The following ANKRD6 variants were observed in gnomAD, a reference collection of about 807,000 sequenced individuals.
The protein encoded by ANKRD6 is ankyrin repeat domain-containing protein 6.
In ANKRD6, 56 loss-of-function variants were observed where a neutral mutation model predicts 82.3. The ratio of observed to expected loss-of-function variants is 0.68; its 90% CI spans 0.55 to 0.85. The LOEUF (loss-of-function observed/expected upper bound fraction) is 0.85. Ranked by LOEUF, ANKRD6 falls within the 40% of genes least tolerant of loss-of-function variation. ANKRD6 has a pLI of 0.00. For synonymous variants in ANKRD6, 347 were observed against 352.1 expected, an observed-to-expected ratio of 0.99 and a Z score of 0.16; for missense variants, 852 against 907.6, an observed-to-expected ratio of 0.94 and a Z score of 0.79.
chr6:89,624,092 A>T, intron 12 of ANKRD6, 35 bp downstream of exon 12: 1 of 1,569,668 alleles, frequency 6.4e-7, no homozygotes, highest in Non-Finnish European at 8.6e-7. Context: ...AAGGGAACAT[A>T]GGCCTTCAGC....
intron 1 of ANKRD6, among the ~76,000 whole-genome samples, chr6:89,537,143 G>A (rs1156442464): frequency 6.6e-6 from 1 of 152,090 alleles, no homozygotes; most frequent in African/African-American, 2.4e-5. Context: ...TATAAGGAGA[G>A]AATCAAGATA....
At chr6:89,572,238 A>T (rs1225406083) in intron 2 of ANKRD6, among the ~76,000 whole-genome samples, 1 of 152,286 alleles carries the variant, frequency 6.6e-6, no homozygotes, top group African/African-American at 2.4e-5. Flanking sequence ...ATAAACATTT[A>T]TGTGCAGTTT....
rs191330874 is a variant in ANKRD6, at chr6:89,631,476, C to T, written c.*472C>T. The T allele has an allele frequency of 6.6e-6, 1 of 152,550 alleles. No individual in the cohort carries two copies. Among genetic ancestry groups the T allele is most frequent in the Non-Finnish European group, 1.5e-5 (1 of 68,288 alleles). 9.4% of individuals were successfully genotyped at this position (152,550 alleles called of 1,614,324 possible). A position where few individuals can be genotyped will look rare whatever the true frequency, so the allele number is the denominator to read the frequency against. On this transcript the variant is annotated 3_prime_UTR_variant, in exon 16 of 16. Coordinates refer to ENST00000339746, the MANE Select transcript of ANKRD6 (RefSeq NM_001242809.2). ...GTAAGAGCTGTAACTCTGAGATGTG[C>T]TAAATAAACCCTCTTTCTCAAATTC...
chr6:89,494,456 A>T (rs1778370885), intron 1 of ANKRD6, among the ~76,000 whole-genome samples: 1 of 152,186 alleles, frequency 6.6e-6, no homozygotes. Context: ...CCAAGTCAAG[A>T]AGAGGGCCCA....
At chr6:89,589,091 T>G (rs1396733421) in intron 2 of ANKRD6, among the ~76,000 whole-genome samples, 2 of 152,080 alleles carry the variant, frequency 1.3e-5, no homozygotes, top group African/African-American at 4.8e-5. Flanking sequence ...GGACGGGTCT[T>G]GTCCAGGTCT....
chr6:89,581,868 G>A (rs1448861240), intron 2 of ANKRD6, among the ~76,000 whole-genome samples: 3 of 152,104 alleles, frequency 2.0e-5, no homozygotes, highest in Admixed American at 6.6e-5. Flanking sequence ...GTTCTGCTCC[G>A]GGTTAGCACA....
intron 1 of ANKRD6, among the ~76,000 whole-genome samples, chr6:89,480,959 A>AAAAAT (rs1216085201): frequency 8.5e-4 from 126 of 148,912 alleles, no homozygotes; most frequent in South Asian, 3.0e-3. Flanking sequence ...AAAAAAATAG[A>AAAAAT]AGAAGAAGAA....
At chr6:89,493,816 G>T (rs116979022) in intron 1 of ANKRD6, among the ~76,000 whole-genome samples, 1,861 of 152,152 alleles carry the variant, frequency 0.012, 16 homozygotes, top group South Asian at 0.039. Context: ...ACCACATTTC[G>T]GGGGGTTATA....
chr6:89,589,762 TCAGTGCCCCAGTGGTGTGGA>T, intron 2 of ANKRD6, among the ~76,000 whole-genome samples: 1 of 152,334 alleles, frequency 6.6e-6, no homozygotes, highest in East Asian at 1.9e-4. Context: ...ATCATCCCAG[TCAGTGCCCCAGTGGTGTGGA>T]CAGTGGGGAC....
In ANKRD6 at chr6:89,598,195, T is replaced by C. The variant is rs1031411517; in HGVS notation, c.219+2181T>C. 11 of 985,306 alleles carry C rather than the reference T, an allele frequency of 1.1e-5. No homozygotes were observed. The African/African-American group carries it at 1.9e-4, about 17-fold the overall frequency. The allele number at this position is 985,306 out of a possible 1,614,324, so 61.0% of individuals were successfully genotyped here. On this transcript the variant is annotated intron_variant, in intron 3 of 15. Transcript: ENST00000339746. ...TGAATTTCAACCTGTGGAAACCAGT[T>C]CTTTAGATTATGCAACTCCAGGAGC...
intron 9 of ANKRD6, among the ~76,000 whole-genome samples, chr6:89,618,563 G>T (rs552059018): frequency 6.6e-6 from 1 of 152,246 alleles, no homozygotes; most frequent in Admixed American, 6.5e-5. Context: ...TAAAATGGTG[G>T]CTGATACTTT....
chr6:89,458,650 G>A (rs182051295), intron 1 of ANKRD6, among the ~76,000 whole-genome samples: 4 of 152,316 alleles, frequency 2.6e-5, no homozygotes, highest in Admixed American at 2.6e-4. Context: ...ATCTTCTCCT[G>A]CCAGCTTTAT....
At chr6:89,559,788 A>G (rs764129773) in intron 1 of ANKRD6, among the ~76,000 whole-genome samples, 1 of 152,010 alleles carries the variant, frequency 6.6e-6, no homozygotes, top group African/African-American at 2.4e-5. Flanking sequence ...GTAGTCCTCT[A>G]TTTTGAGGGG....
chr6:89,523,719 C>A (rs1373474470), intron 1 of ANKRD6, among the ~76,000 whole-genome samples: 1 of 152,190 alleles, frequency 6.6e-6, no homozygotes, highest in Non-Finnish European at 1.5e-5. Flanking sequence ...TCTCTGTGCT[C>A]ATTTCTTTAG....
chr6:89,470,225 A>G (rs760907961), intron 1 of ANKRD6, among the ~76,000 whole-genome samples: 30 of 152,228 alleles, frequency 2.0e-4, no homozygotes, highest in Non-Finnish European at 3.1e-4. Context: ...AAAAATTTCA[A>G]CATTATACTG....
chr6:89,527,620 A>AAAAAAAG (rs1562725502), intron 1 of ANKRD6, among the ~76,000 whole-genome samples: 1 of 151,204 alleles, frequency 6.6e-6, no homozygotes, highest in Non-Finnish European at 1.5e-5. Context: ...AAAAAAAAAA[A>AAAAAAAG]AAAAAAGAAA....
At chr6:89,559,101 C>T (rs974372975) in intron 1 of ANKRD6, among the ~76,000 whole-genome samples, 16 of 152,178 alleles carry the variant, frequency 1.1e-4, no homozygotes, top group Admixed American at 5.2e-4. Flanking sequence ...CTAGGGCTCT[C>T]CATCACAAGT....
intron 1 of ANKRD6, among the ~76,000 whole-genome samples, chr6:89,471,553 A>G (rs183438464): frequency 5.3e-5 from 8 of 151,936 alleles, no homozygotes; most frequent in Non-Finnish European, 1.2e-4. Context: ...AAAGCCAGCA[A>G]AAGAATGTGG....
chr6:89,450,487 C>G (rs1204193135), intron 1 of ANKRD6, among the ~76,000 whole-genome samples: 1 of 152,140 alleles, frequency 6.6e-6, no homozygotes, highest in Non-Finnish European at 1.5e-5. Context: ...TTCAGATGAT[C>G]ATCAGCATTT....
Sources: gnomAD v4.1 joint callset for allele counts (sites outside exome capture counted in the v4.1 genomes callset) on GRCh38, gnomAD v4.1.1 for gene constraint, MANE v1.5 for transcripts, NCBI Gene and HGNC (gene_info 2026-07-23, HGNC 2026-07-21) for gene names.